TIAM1: variants seen among roughly 807,000 people sequenced by gnomAD.
TIAM1 encodes rho guanine nucleotide exchange factor TIAM1.
In TIAM1, 65 loss-of-function variants were observed where a neutral mutation model predicts 163.5. The observed-to-expected ratio is 0.40, with a 90% CI of 0.33 to 0.49. The LOEUF (loss-of-function observed/expected upper bound fraction) is 0.49. TIAM1 is among the 20% of genes least tolerant of loss of function. The probability of loss-of-function intolerance (pLI) is 0.77; values close to 1 mark genes in which losing one functional copy is unlikely to be tolerated. For missense variants in TIAM1, 1,789 were observed against 2,044.7 expected (o/e 0.87, Z 2.41); for synonymous variants, 833 against 810.1 (o/e 1.03, Z -0.48).
At chr21:31,427,517 T>G (rs112887911) in intron 2 of TIAM1, among the ~76,000 whole-genome samples, 1 of 151,262 alleles carries the variant, frequency 6.6e-6, no homozygotes, top group Non-Finnish European at 1.5e-5. Context: ...AAATAAATTT[T>G]AAAAAAGATT....
chr21:31,483,227 C>T (rs566641765), intron 1 of TIAM1, among the ~76,000 whole-genome samples: 1 of 152,198 alleles, frequency 6.6e-6, no homozygotes, highest in Non-Finnish European at 1.5e-5. Flanking sequence ...GCAGTCCCCA[C>T]CACCATGGGA....
At chr21:31,147,280 A>G (rs1242501401) in intron 19 of TIAM1, among the ~76,000 whole-genome samples, 1 of 152,128 alleles carries the variant, frequency 6.6e-6, no homozygotes, top group Non-Finnish European at 1.5e-5. Flanking sequence ...TTAATAACCT[A>G]TCCGGGCTGT....
intron 2 of TIAM1, among the ~76,000 whole-genome samples, chr21:31,429,742 C>T (rs1419227861): frequency 1.3e-5 from 2 of 152,158 alleles, no homozygotes; most frequent in African/African-American, 4.8e-5. Flanking sequence ...ACAGCCAGGG[C>T]GTGGAGTCTT....
intron 22 of TIAM1, among the ~76,000 whole-genome samples, chr21:31,138,011 G>A (rs530335390): frequency 4.6e-5 from 7 of 151,790 alleles, no homozygotes; most frequent in African/African-American, 1.7e-4. Context: ...AAGTGGACTA[G>A]GGGGTCAGGG....
At position 31,445,310 on chromosome 21, in the gene TIAM1, G is replaced by A. The variant is rs564537238; in HGVS notation, c.-369+18673C>T. ...GTGCCCCTGCTGGCTTCAACCTTCT[G>A]TAATGCTAAGACCAGCCTCACTCTG... On this transcript the variant is annotated intron_variant, in intron 2 of 28. Transcript: ENST00000286827. Among the ~76,000 whole-genome samples the A allele has an allele frequency of 3.3e-5, 5 of 152,270 alleles. No individual in the cohort carries two copies. The South Asian group carries it at 6.2e-4, about 19-fold the overall frequency.
intron 1 of TIAM1, among the ~76,000 whole-genome samples, chr21:31,485,228 C>T (rs2046233313): frequency 6.6e-6 from 1 of 151,984 alleles, no homozygotes; most frequent in Non-Finnish European, 1.5e-5. Context: ...TTCCCACAAA[C>T]CAGGGCATGC....
At chr21:31,388,373 G>A (rs1264597477) in intron 2 of TIAM1, among the ~76,000 whole-genome samples, 1 of 152,076 alleles carries the variant, frequency 6.6e-6, no homozygotes, top group Non-Finnish European at 1.5e-5. Flanking sequence ...GGGCATGGTG[G>A]CTCACACCTA....
chr21:31,290,998 A>G (rs2073999166), intron 2 of TIAM1, among the ~76,000 whole-genome samples: 1 of 152,186 alleles, frequency 6.6e-6, no homozygotes, highest in South Asian at 2.1e-4. Context: ...CAACAACGAT[A>G]ATAACAAATT....
intron 1 of TIAM1, among the ~76,000 whole-genome samples, chr21:31,511,282 G>T (rs976874595): frequency 6.6e-6 from 1 of 152,204 alleles, no homozygotes; most frequent in Admixed American, 6.5e-5. Flanking sequence ...TAAAGGTTCA[G>T]ACCTCTTGAG....
intron 2 of TIAM1, among the ~76,000 whole-genome samples, chr21:31,334,031 C>T (rs1357666373): frequency 6.6e-6 from 1 of 152,212 alleles, no homozygotes; most frequent in Non-Finnish European, 1.5e-5. Flanking sequence ...GCAACAGTTA[C>T]TACGTAGAGG....
At chr21:31,373,418 T>C (rs560280) in intron 2 of TIAM1, among the ~76,000 whole-genome samples, 43,661 of 152,030 alleles carry the variant, frequency 0.29, 7,823 homozygotes, top group African/African-American at 0.51. Flanking sequence ...CTCAGAATCA[T>C]GGCAGGAAGC....
chr21:31,490,864 C>T (rs144181585), intron 1 of TIAM1, among the ~76,000 whole-genome samples: 73 of 152,318 alleles, frequency 4.8e-4, no homozygotes, highest in Non-Finnish European at 8.8e-4. Flanking sequence ...TGGTGGCTCA[C>T]GCCTGTAATC....
intron 2 of TIAM1, among the ~76,000 whole-genome samples, chr21:31,350,907 A>G (rs1484156051): frequency 1.3e-5 from 2 of 152,226 alleles, no homozygotes; most frequent in African/African-American, 4.8e-5. Flanking sequence ...GTAACACATG[A>G]CACCTTACAG....
chr21:31,508,387 C>CT (rs200164021), intron 1 of TIAM1, among the ~76,000 whole-genome samples: 1,473 of 126,534 alleles, frequency 0.012, 14 homozygotes, highest in Non-Finnish European at 0.017. Flanking sequence ...ATTGAAATTT[C>CT]TTTTTTTTTT....
intron 2 of TIAM1, among the ~76,000 whole-genome samples, chr21:31,290,195 T>G (rs1430075981): frequency 1.3e-5 from 2 of 152,168 alleles, no homozygotes; most frequent in Non-Finnish European, 1.5e-5. Context: ...GAAACATAAA[T>G]TTTGAAATTT....
At chr21:31,492,776 TACACACACACACACACACACACAC>T (rs3055373) in intron 1 of TIAM1, among the ~76,000 whole-genome samples, 13 of 139,682 alleles carry the variant, frequency 9.3e-5, no homozygotes, top group East Asian at 2.2e-4. Context: ...TATTTTGGGT[TACACACACACACACACACACACAC>T]ACACACACAC....
At chr21:31,544,605 G>A (rs1006213723) in intron 1 of TIAM1, among the ~76,000 whole-genome samples, 8 of 152,064 alleles carry the variant, frequency 5.3e-5, no homozygotes, top group African/African-American at 1.9e-4. Context: ...TCCAGCCTGG[G>A]TAACAGAGCA....
intron 2 of TIAM1, among the ~76,000 whole-genome samples, chr21:31,378,006 C>T (rs551459747): frequency 6.6e-6 from 1 of 151,838 alleles, no homozygotes; most frequent in Non-Finnish European, 1.5e-5. Flanking sequence ...CATGGTGGTA[C>T]ATGCCTGTAA....
chr21:31,430,245 TATAC>T (rs1215756712), intron 2 of TIAM1, among the ~76,000 whole-genome samples: 3,757 of 127,834 alleles, frequency 0.029, 84 homozygotes, highest in Middle Eastern at 0.07. Context: ...TATATATATA[TATAC>T]ACACACACAC....
Sources: allele counts gnomAD v4.1 joint callset (sites outside exome capture counted in the v4.1 genomes callset), GRCh38; gene constraint gnomAD v4.1.1; transcripts MANE v1.5; gene names NCBI Gene and HGNC (gene_info 2026-07-23, HGNC 2026-07-21).